CFAP61: variants seen among roughly 807,000 people sequenced by gnomAD.
CFAP61 encodes cilia and flagella associated protein 61.
CFAP61 carries 107 observed loss-of-function variants against 135.6 expected under a neutral mutation model. That is an observed-to-expected ratio of 0.79 (90% confidence interval 0.67 to 0.93). The LOEUF (loss-of-function observed/expected upper bound fraction) is 0.93. CFAP61 is among the 40% of genes least tolerant of loss of function. CFAP61 has a pLI of 0.00. For missense variants in CFAP61, 1,507 were observed against 1,556.2 expected, an observed-to-expected ratio of 0.97 and a Z score of 0.53; for synonymous variants, 575 against 578.5, an observed-to-expected ratio of 0.99 and a Z score of 0.09.
chr20:20,252,605 G>A (rs918629191), intron 20 of CFAP61, among the ~76,000 whole-genome samples: 1 of 151,904 alleles, frequency 6.6e-6, no homozygotes, highest in Non-Finnish European at 1.5e-5. Context: ...TATATTTTAT[G>A]TGTGGTCCAA....
In CFAP61 at chr20:20,085,509, T is replaced by C. The variant is rs745662088; in HGVS notation, c.567-5335T>C. 7 of 1,366,494 alleles carry C rather than the reference T, an allele frequency of 5.1e-6. No individual in the cohort carries two copies. The African/African-American group carries it at 8.9e-5, about 17-fold the overall frequency. 84.6% of individuals were successfully genotyped at this position (1,366,494 alleles called of 1,614,324 possible). On this transcript the variant is annotated intron_variant, in intron 6 of 26. Coordinates refer to ENST00000245957, the MANE Select transcript of CFAP61 (RefSeq NM_015585.4). ...GAACTCCAAGATTTGGATGTTTTTC[T>C]ATTTTTCCCAGAAGAATTCGTGTTG...
chr20:20,315,464 A>C (rs2057075423), intron 25 of CFAP61, among the ~76,000 whole-genome samples: 1 of 152,204 alleles, frequency 6.6e-6, no homozygotes, highest in Admixed American at 6.5e-5. Flanking sequence ...TAGGTTGCGA[A>C]AATTTTCTCG....
chr20:20,229,232 T>C (rs2048953278), intron 18 of CFAP61, among the ~76,000 whole-genome samples: 1 of 152,184 alleles, frequency 6.6e-6, no homozygotes, highest in African/African-American at 2.4e-5. Context: ...GAAAACACCC[T>C]GGATTAGGGT....
chr20:20,223,003 C>T (rs1490221814), intron 17 of CFAP61, among the ~76,000 whole-genome samples: 1 of 152,164 alleles, frequency 6.6e-6, no homozygotes, highest in Non-Finnish European at 1.5e-5. Flanking sequence ...TCTTTCATTT[C>T]CTTGTATGGA....
chr20:20,112,303 T>C (rs904106967), intron 8 of CFAP61, among the ~76,000 whole-genome samples: 6 of 152,196 alleles, frequency 3.9e-5, no homozygotes, highest in Non-Finnish European at 7.3e-5. Context: ...GACAAATTTC[T>C]AGGAACTTCA....
At position 20,188,045 on chromosome 20, in the gene CFAP61, C is replaced by G. The variant is rs775715386; in HGVS notation, c.1501C>G (p.Arg501Gly). ...GGACTTAGACCGTTACAACAAGGCT[C>G]GCAAAGACCCTGTAAGTACCTGTTG... is the stretch of plus-strand genomic sequence containing the variant. The part of the protein sequence containing the change: ...LEDLDRYNKA[R>G]KDPDGTLLQA... Residue 501 changes from arginine (R) to glycine (G), a missense_variant, in exon 14 of 27, where the codon CGC (arginine) becomes GGC (glycine). Arg to Gly is a moderately radical substitution (Grantham distance 125). Transcript: ENST00000245957. 3 of 1,614,116 alleles carry G rather than the reference C, an allele frequency of 1.9e-6. No homozygotes were observed. Among genetic ancestry groups the G allele is most frequent in the Middle Eastern group, 1.7e-4 (1 of 6,060 alleles).
chr20:20,251,704 T>C lies in CFAP61; in HGVS notation c.2269T>C (p.Ser757Pro). 2 of 1,614,186 alleles carry C rather than the reference T, an allele frequency of 1.2e-6. No homozygotes were observed. The highest frequency in any genetic ancestry group is 8.5e-7 in the Non-Finnish European group (1 of 1,180,040). The change falls in exon 20 of 27, where the codon TCC (serine) becomes CCC (proline). Residue 757 changes from serine to proline, a missense_variant. By Grantham distance (74) the Ser-to-Pro change is moderately conservative. Coordinates refer to ENST00000245957, the MANE Select transcript of CFAP61 (RefSeq NM_015585.4). Reference protein sequence around the residue: ...IDRAAKHVVLSTDEIVPYDHL... With the variant: ...IDRAAKHVVLPTDEIVPYDHL... ...CCGAGCAGCCAAGCACGTTGTGCTTTCCACGGACGAGATCGTGCCCTACGA... is the reference window on the plus strand; with the variant it reads ...CCGAGCAGCCAAGCACGTTGTGCTTCCCACGGACGAGATCGTGCCCTACGA...
intron 13 of CFAP61, among the ~76,000 whole-genome samples, chr20:20,185,724 G>T (rs1051506176): frequency 1.3e-5 from 2 of 152,088 alleles, no homozygotes; most frequent in African/African-American, 4.8e-5. Flanking sequence ...TCTGAGAGAG[G>T]CATATTAAAC....
intron 8 of CFAP61, among the ~76,000 whole-genome samples, chr20:20,106,359 A>G (rs1225698550): frequency 6.6e-6 from 1 of 152,170 alleles, no homozygotes; most frequent in African/African-American, 2.4e-5. Context: ...AGCCTTTTCT[A>G]ATGTCTTCAA....
At chr20:20,206,402 A>G (rs115793689) in intron 17 of CFAP61, among the ~76,000 whole-genome samples, 6,215 of 152,252 alleles carry the variant, frequency 0.041, 166 homozygotes, top group Middle Eastern at 0.11. Context: ...AGGAACCTGT[A>G]CCCATTGGCA....
At chr20:20,301,054 T>G (rs544030717) in intron 25 of CFAP61, among the ~76,000 whole-genome samples, 1 of 152,322 alleles carries the variant, frequency 6.6e-6, no homozygotes, top group Non-Finnish European at 1.5e-5. Flanking sequence ...ATAAATTTAG[T>G]GTAGACTAAG....
At chr20:20,269,842 G>A (rs1569220920) in intron 21 of CFAP61, among the ~76,000 whole-genome samples, 2 of 152,140 alleles carry the variant, frequency 1.3e-5, no homozygotes, top group East Asian at 1.9e-4. Flanking sequence ...GCAGTGCTAT[G>A]AGACCTGATT....
chr20:20,241,858 C>T (rs1466021525), intron 18 of CFAP61, among the ~76,000 whole-genome samples: 3 of 152,062 alleles, frequency 2.0e-5, no homozygotes, highest in Non-Finnish European at 4.4e-5. Flanking sequence ...TGTGTACTTG[C>T]AGACTGTCAG....
rs529375058 is a variant in CFAP61 at position 20,075,208 on chromosome 20, C to T, written c.391C>T (p.Pro131Ser). The change falls in exon 5 of 27, where the codon CCA (proline) becomes TCA (serine). Residue 131 changes from proline to serine, a missense_variant. Coordinates refer to ENST00000245957, the MANE Select transcript of CFAP61 (RefSeq NM_015585.4). ...CACCAGAACCGTGTATAAGGCAGTG[C>T]CAGAGCTGCACTTCATATTTCTCAT... ...EILRTVYKAV[P>S]ELHFIFLIVP... 2 of 1,614,070 alleles carry T rather than the reference C, an allele frequency of 1.2e-6. No homozygotes were observed. The highest frequency in any genetic ancestry group is 3.3e-5 in the Admixed American group (2 of 60,030).
At chr20:20,311,653 T>C (rs1004360458) in intron 25 of CFAP61, among the ~76,000 whole-genome samples, 2 of 151,298 alleles carry the variant, frequency 1.3e-5, no homozygotes, top group Admixed American at 1.3e-4. Context: ...CCAAGGCAGG[T>C]GGAGTTGTCA....
At chr20:20,237,835 T>C (rs1339851934) in intron 18 of CFAP61, among the ~76,000 whole-genome samples, 1 of 152,220 alleles carries the variant, frequency 6.6e-6, no homozygotes, top group African/African-American at 2.4e-5. Flanking sequence ...TACTTAACAG[T>C]TTCCTGCACC....
At chr20:20,106,129 G>GACCT (rs1227833642) in intron 8 of CFAP61, among the ~76,000 whole-genome samples, 1 of 147,448 alleles carries the variant, frequency 6.8e-6, no homozygotes, top group Non-Finnish European at 1.5e-5. Context: ...AATCATACCA[G>GACCT]ACCTATACCC....
chr20:20,335,093 G>A (rs993971716), intron 25 of CFAP61, among the ~76,000 whole-genome samples: 3 of 152,136 alleles, frequency 2.0e-5, no homozygotes, highest in African/African-American at 7.2e-5. Flanking sequence ...AAGCCAGGTC[G>A]GGCCAGATGG....
At chr20:20,134,786 T>C (rs957412163) in intron 8 of CFAP61, among the ~76,000 whole-genome samples, 1 of 152,162 alleles carries the variant, frequency 6.6e-6, no homozygotes, top group African/African-American at 2.4e-5. Context: ...ATGGATTATT[T>C]GATGAAGATG....
Sources: gnomAD v4.1 joint callset for allele counts (sites outside exome capture counted in the v4.1 genomes callset) on GRCh38, gnomAD v4.1.1 for gene constraint, MANE v1.5 for transcripts, NCBI Gene and HGNC (gene_info 2026-07-23, HGNC 2026-07-21) for gene names.